NES: variants seen among roughly 807,000 people sequenced by gnomAD.
NES encodes nestin.
Under a neutral mutation model 35.6 loss-of-function variants are expected in NES, and 27 were observed. That is an observed-to-expected ratio of 0.76 (90% CI 0.56 to 1.04). The LOEUF is 1.04. Among genes scored for constraint, NES ranks in the 50% least tolerant of loss-of-function variants. The pLI, the probability that NES is intolerant of heterozygous loss-of-function variation, is 0.00. For missense variants in NES, 1,867 were observed against 1,983.6 expected (o/e 0.94, Z 1.12); for synonymous variants, 822 against 824.2 (o/e 1.00, Z 0.04).
chr1:156,677,278 C>T lies in NES; in HGVS notation c.-14G>A. 1 of 1,605,992 alleles carries T rather than the reference C, an allele frequency of 6.2e-7. No individual in the cohort carries two copies. The highest frequency in any genetic ancestry group is 1.7e-5 in the Admixed American group (1 of 58,424). On this transcript the variant is annotated 5_prime_UTR_variant, in exon 1 of 4. Coordinates refer to ENST00000368223, the MANE Select transcript of NES (RefSeq NM_006617.2). This position sits in a 1 kb window ranked among gnomAD's most constrained non-coding sequence, Gnocchi z 4.5. The stretch of plus-strand genomic sequence containing the variant: ...GCAGCCCTCCATCCTGCTCGTCTGA[C>T]CCACTGAGGATGGACAGACGCGGGG...
Position 156,672,310 on chromosome 1 carries a change from T to C in NES, c.1878A>G (p.Gln626=), listed in dbSNP as rs1679753472. ...GTTCTTGATTCTCCTTTTGCAGGGATTGCAATGTCTGTGTGTCCTCTTTTC... is the reference window on the plus strand; with the variant it reads ...GTTCTTGATTCTCCTTTTGCAGGGACTGCAATGTCTGTGTGTCCTCTTTTC... ...PTGKEDTQTL[Q]SLQKENQELM... is the part of the protein sequence containing the mutation. Residue 626 remains glutamine (Q), a synonymous_variant, in exon 4 of 4, where the codon CAA becomes CAG. Transcript: ENST00000368223. The C allele has an allele frequency of 1.1e-5, 17 of 1,607,374 alleles. No individual in the cohort carries two copies. The highest frequency in any genetic ancestry group is 1.4e-5 in the Non-Finnish European group (16 of 1,178,358).
rs1483787992 is a variant in NES at position 156,671,037 on chromosome 1, G to A, written c.3151C>T (p.Pro1051Ser). The A allele has an allele frequency of 3.1e-6, 5 of 1,613,052 alleles. No homozygotes were observed. The highest frequency in any genetic ancestry group is 1.7e-5 in the Admixed American group (1 of 59,980). Residue 1051 changes from proline (P) to serine (S), a missense_variant, in exon 4 of 4, where the codon CCA becomes TCA. By Grantham distance (74) the Pro-to-Ser change is moderately conservative. Coordinates refer to ENST00000368223, the MANE Select transcript of NES (RefSeq NM_006617.2). ...PEGQSQQVGA[P>S]GLQAPQGLPE... Reference sequence around the variant, plus strand: ...AGCCCCTGGGGAGCCTGGAGGCCTGGGGCCCCCACCTGTTGTGATTGCCCT... The same window carrying A: ...AGCCCCTGGGGAGCCTGGAGGCCTGAGGCCCCCACCTGTTGTGATTGCCCT...
chr1:156,676,624 G>T lies in NES; in HGVS notation c.641C>A (p.Ala214Glu). 3 of 1,540,268 alleles carry T rather than the reference G, an allele frequency of 1.9e-6. No individual in the cohort carries two copies. The highest frequency in any genetic ancestry group is 1.8e-4 in the Middle Eastern group (1 of 5,560). The change falls in exon 1 of 4, where the codon GCG becomes GAG. Residue 214 changes from alanine to glutamate, a missense_variant. By Grantham distance (107) the Ala-to-Glu change is moderately radical. Transcript: ENST00000368223. The surrounding 1 kb of genome is among the most constrained non-coding windows in gnomAD (Gnocchi z 5.3). ...GCGGCCCTCGCGGGCACCCTGCACC[G>T]CCCGGCCCAGCCGCTCGCGGGCCTG... is the stretch of plus-strand genomic sequence containing the variant. The part of the protein sequence containing the change: ...LGQARERLGR[A>E]VQGAREGRLE...
In NES at chr1:156,670,807, C is replaced by T; in HGVS notation, c.3381G>A (p.Glu1127=). The part of the protein sequence containing the change: ...EEVMEPPLEE[E]SLEAKRVQGL... ...CCTGAACCCTCTTTGCCTCCAAACTCTCCTCTTCCAGGGGTGGTTCCATCA... is the reference window on the plus strand; with the variant it reads ...CCTGAACCCTCTTTGCCTCCAAACTTTCCTCTTCCAGGGGTGGTTCCATCA... The change falls in exon 4 of 4, where the codon GAG becomes GAA. Residue 1127 remains glutamate (E), a synonymous_variant. Transcript: ENST00000368223. 2 of 1,614,116 alleles carry T rather than the reference C, an allele frequency of 1.2e-6. No individual in the cohort carries two copies. The highest frequency in any genetic ancestry group is 1.7e-6 in the Non-Finnish European group (2 of 1,179,984).
At position 156,671,073 on chromosome 1, in the gene NES, G is replaced by A. The variant is rs747379730; in HGVS notation, c.3115C>T (p.Gln1039Ter). The stretch of plus-strand genomic sequence containing the variant: ...TGTTGTGATTGCCCTTCAGGGTCCT[G>A]GAGGCCCTCAGCCCCTCCCTTCACA... The part of the protein sequence containing the change: ...ASVKGGAEGL[Q>*]DPEGQSQQVG... The change falls in exon 4 of 4, where the codon CAG becomes TAG. Residue 1039 changes from glutamine (Q) to a stop codon, truncating the protein, a stop_gained. Transcript: ENST00000368223. LOFTEE classifies it low-confidence loss of function (END_TRUNC). 6.2e-7 allele frequency: 1 copy of A among 1,613,848 alleles called. No homozygotes were observed. Among genetic ancestry groups the A allele is most frequent in the Non-Finnish European group, 8.5e-7 (1 of 1,180,004 alleles).
rs1419175225 is a variant in NES, at chr1:156,676,964, C to A, written c.301G>T (p.Ala101Ser). ...VAGRCQQLRL[A>S]RERTTEEVAR... is the part of the protein sequence containing the mutation. Reference sequence around the variant, plus strand: ...ACCTCCTCCGTCGTCCGCTCCCGGGCCAGCCGCAGCTGCTGGCATCGGCCT... The same window carrying A: ...ACCTCCTCCGTCGTCCGCTCCCGGGACAGCCGCAGCTGCTGGCATCGGCCT... The change falls in exon 1 of 4, where the codon GCC becomes TCC. Residue 101 changes from alanine to serine, a missense_variant. Physicochemically the swap from Ala to Ser is moderately conservative, Grantham distance 99 (BLOSUM62 1). Coordinates refer to ENST00000368223, the MANE Select transcript of NES (RefSeq NM_006617.2). The surrounding 1 kb of genome is among the most constrained non-coding windows in gnomAD (Gnocchi z 5.3). 14 of 1,561,956 alleles carry A rather than the reference C, an allele frequency of 9.0e-6. No homozygotes were observed. The highest frequency in any genetic ancestry group is 1.2e-5 in the Non-Finnish European group (14 of 1,161,994).
Position 156,676,409 on chromosome 1 carries a change from G to A in NES, c.783+73C>T. The A allele has an allele frequency of 6.7e-7, 1 of 1,489,956 alleles. No individual in the cohort carries two copies. Among genetic ancestry groups the A allele is most frequent in the Non-Finnish European group, 9.2e-7 (1 of 1,092,520 alleles). The allele number at this position is 1,489,956 out of a possible 1,614,324, so 92.3% of individuals were successfully genotyped here. A position where few individuals can be genotyped will look rare whatever the true frequency, so the allele number is the denominator to read the frequency against. On this transcript the variant is annotated intron_variant, in intron 1 of 3. Transcript: ENST00000368223. The surrounding 1 kb of genome is among the most constrained non-coding windows in gnomAD (Gnocchi z 5.3). ...GCTAGCCCCACTCCCTTCCCAGAAG[G>A]TCTCTGAGCTTCATAAGGGACTTTC...
Position 156,669,350 on chromosome 1 carries a change from C to CT in NES, c.4837dup (p.Arg1613LysfsTer60), listed in dbSNP as rs1557997197. ...GTCCTCCCCTGAGGACCAGGACTCTCTATCTCCTTCCCTCTGAGTGAACTT... is the reference window on the plus strand; with the variant it reads ...GTCCTCCCCTGAGGACCAGGACTCTCTTATCTCCTTCCCTCTGAGTGAACTT... On this transcript the variant is annotated frameshift_variant, in exon 4 of 4. Coordinates refer to ENST00000368223, the MANE Select transcript of NES (RefSeq NM_006617.2). LOFTEE classifies it high-confidence loss of function. The CT allele has an allele frequency of 7.5e-6, 12 of 1,592,110 alleles. No individual in the cohort carries two copies. The highest frequency in any genetic ancestry group is 1.1e-5 in the South Asian group (1 of 89,712).
rs778600910 is a variant in NES, at chr1:156,671,472, G to A, written c.2716C>T (p.Pro906Ser). Residue 906 changes from proline (P) to serine (S), a missense_variant, in exon 4 of 4, where the codon CCA (proline) becomes TCA (serine). Coordinates refer to ENST00000368223, the MANE Select transcript of NES (RefSeq NM_006617.2). ...GAWNLENLRS[P>S]EEVDKESQRN... ...TGACTTTCCTTGTCTACCTCCTCTG[G>A]AGATCTCAAATTCTCCAGGTTCCAT... 1.9e-6 allele frequency: 3 copies of A among 1,613,732 alleles called. No homozygotes were observed. The highest frequency in any genetic ancestry group is 2.5e-6 in the Non-Finnish European group (3 of 1,180,028).
At chr1:156,675,767 C>A (rs1205717095) in intron 1 of NES, among the ~76,000 whole-genome samples, 1 of 152,122 alleles carries the variant, frequency 6.6e-6, no homozygotes, top group Non-Finnish European at 1.5e-5. Context: ...CAGCCCCCGT[C>A]CCCCGTTGGT....
Position 156,672,460 on chromosome 1 carries a change from C to A in NES, c.1728G>T (p.Pro576=). The A allele has an allele frequency of 6.2e-7, 1 of 1,611,960 alleles. No homozygotes were observed. The highest frequency in any genetic ancestry group is 8.5e-7 in the Non-Finnish European group (1 of 1,179,478). The change falls in exon 4 of 4, where the codon CCG becomes CCT. Residue 576 remains proline (P), a synonymous_variant. Coordinates refer to ENST00000368223, the MANE Select transcript of NES (RefSeq NM_006617.2). ...ETLERENQEC[P]RSLEEDLETL... Reference sequence around the variant, plus strand: ...TTTCTAAGTCTTCTTCTAAAGACCTCGGACATTCTTGATTCTCCCTTTCTA... The same window carrying A: ...TTTCTAAGTCTTCTTCTAAAGACCTAGGACATTCTTGATTCTCCCTTTCTA...
intron 2 of NES, 103 bp from the exon 3 acceptor site, chr1:156,673,630 C>T: frequency 1.4e-6 from 1 of 724,380 alleles, no homozygotes; most frequent in Non-Finnish European, 2.3e-6. Flanking sequence ...CATCCAGGCC[C>T]TGCAGGCTTC....
intron 3 of NES, 95 bp from the exon 4 acceptor site, chr1:156,673,300 C>A: frequency 7.7e-7 from 1 of 1,302,156 alleles, no homozygotes; most frequent in Non-Finnish European, 1.1e-6. Context: ...ATCCATGCGC[C>A]TGCCCCTGGC....
chr1:156,674,126 T>C (rs4456084), intron 2 of NES, among the ~76,000 whole-genome samples: 111,254 of 152,058 alleles, frequency 0.73, 41,706 homozygotes, highest in African/African-American at 0.89. Flanking sequence ...CCCTTCCCCT[T>C]GGTGGCTTCA....
rs750858618 is a variant in NES at position 156,671,143 on chromosome 1, C to G, written c.3045G>C (p.Glu1015Asp). ...CTCTCTGCTCTTTGGGCTCAGGGCT[C>G]TCTGGGTGCCCCTCGCCTGGGATCC... ...EVWIPGEGHP[E>D]SPEPKEQRGL... Residue 1015 changes from glutamate (E) to aspartate (D), a missense_variant, in exon 4 of 4, where the codon GAG becomes GAC. Coordinates refer to ENST00000368223, the MANE Select transcript of NES (RefSeq NM_006617.2). 1 of 1,614,142 alleles carries G rather than the reference C, an allele frequency of 6.2e-7. No individual in the cohort carries two copies.
Position 156,670,859 on chromosome 1 carries a change from T to TCCCCCCCCCCCCCCCCCCCCCCACCCC in NES, c.3328_3329insGGGGTGGGGGGGGGGGGGGGGGGGGGG (p.Gly1109_Asp1110insGlyGlyGlyGlyGlyGlyGlyGlyGly). On this transcript the variant is annotated inframe_insertion, in exon 4 of 4. Transcript: ENST00000368223. ...CTCTTCCCTGGTCAGATGGCCTGGG[T>TCCCCCCCCCCCCCCCCCCCCCCACCCC]CCCCCAGCCCTCCCACCCCCTGCCC... 3 of 1,609,316 alleles carry TCCCCCCCCCCCCCCCCCCCCCCACCCC rather than the reference T, an allele frequency of 1.9e-6. No homozygotes were observed. Among genetic ancestry groups the TCCCCCCCCCCCCCCCCCCCCCCACCCC allele is most frequent in the African/African-American group, 1.3e-5 (1 of 74,774 alleles).
Position 156,675,297 on chromosome 1 carries a change from C to A in NES, c.827G>T (p.Ser276Ile). ...ALEQEKQGLQSQIAQVLEGRQ... is the reference protein window; with the variant it reads ...ALEQEKQGLQIQIAQVLEGRQ... ...ACCTTCCAGGACCTGAGCGATCTGG[C>A]TCTGTAGGCCCTGTTTCTCCTGCTC... The change falls in exon 2 of 4, where the codon AGC (serine) becomes ATC (isoleucine). Residue 276 changes from serine to isoleucine, a missense_variant. Ser to Ile is a moderately radical substitution (Grantham distance 142). Transcript: ENST00000368223. 1 of 1,613,388 alleles carries A rather than the reference C, an allele frequency of 6.2e-7. No individual in the cohort carries two copies. Among genetic ancestry groups the A allele is most frequent in the Non-Finnish European group, 8.5e-7 (1 of 1,179,764 alleles).
intron 2 of NES, among the ~76,000 whole-genome samples, chr1:156,674,971 G>A (rs960031131): frequency 5.3e-5 from 8 of 152,204 alleles, no homozygotes; most frequent in South Asian, 2.1e-4. Flanking sequence ...TGTCCCGCTC[G>A]GCAATATCAT....
At position 156,676,674 on chromosome 1, in the gene NES, C is replaced by T; in HGVS notation, c.591G>A (p.Val197=). 6.6e-7 allele frequency: 1 copy of T among 1,511,718 alleles called. No homozygotes were observed. Among genetic ancestry groups the T allele is most frequent in the Non-Finnish European group, 8.8e-7 (1 of 1,142,514 alleles). The allele number at this position is 1,511,718 out of a possible 1,614,324, so 93.6% of individuals were successfully genotyped here. A position where few individuals can be genotyped will look rare whatever the true frequency, so the allele number is the denominator to read the frequency against. The change falls in exon 1 of 4, where the codon GTG becomes GTA. Residue 197 remains valine, a synonymous_variant. Transcript: ENST00000368223. This position sits in a 1 kb window ranked among gnomAD's most constrained non-coding sequence, Gnocchi z 5.3. ...RGAVRGYQER[V]AHMETSLGQA... ...GGCCCAGCGACGTCTCCATGTGTGC[C>T]ACGCGCTCCTGGTAGCCGCGCACTG...
Sources: gnomAD v4.1 joint callset for allele counts (sites outside exome capture counted in the v4.1 genomes callset) on GRCh38, gnomAD v4.1.1 for gene constraint, Gnocchi (gnomAD v3.1) non-coding constraint, MANE v1.5 for transcripts, NCBI Gene and HGNC (gene_info 2026-07-23, HGNC 2026-07-21) for gene names.